ZYG11B: variants seen among roughly 807,000 people sequenced by gnomAD.
ZYG11B encodes protein zyg-11 homolog B.
In ZYG11B, 36 loss-of-function variants were observed where a neutral mutation model predicts 82.4. The ratio of observed to expected loss-of-function variants is 0.44; its 90% confidence interval spans 0.33 to 0.58. The LOEUF (loss-of-function observed/expected upper bound fraction) is 0.58, where lower values mean the gene tolerates loss of function less well. ZYG11B is among the 20% of genes least tolerant of loss of function. The pLI is 0.02. For synonymous variants in ZYG11B, 303 were observed against 312.8 expected, an observed-to-expected ratio of 0.97 and a Z score of 0.33; for missense variants, 552 against 895.6, an observed-to-expected ratio of 0.62 and a Z score of 4.90.
chr1:52,814,958 G>T (rs1645211552), intron 12 of ZYG11B, among the ~76,000 whole-genome samples: 1 of 152,082 alleles, frequency 6.6e-6, no homozygotes, highest in South Asian at 2.1e-4. Flanking sequence ...AGGAGTTCGA[G>T]ACCAGCTTGG....
chr1:52,768,141 A>G (rs149030386), intron 2 of ZYG11B, among the ~76,000 whole-genome samples: 196 of 152,218 alleles, frequency 1.3e-3, no homozygotes, highest in Middle Eastern at 0.01. Flanking sequence ...TAGAGCAGTT[A>G]CTGTCTACTA....
chr1:52,776,227 A>ATAT (rs1553260249), intron 3 of ZYG11B, among the ~76,000 whole-genome samples: 2 of 2,914 alleles, frequency 6.9e-4, no homozygotes, highest in Admixed American at 8.2e-3. Context: ...CTTAAAAAAA[A>ATAT]AAATATATAT....
At chr1:52,767,916 C>A (rs558545989) in intron 2 of ZYG11B, among the ~76,000 whole-genome samples, 1 of 152,238 alleles carries the variant, frequency 6.6e-6, no homozygotes, top group South Asian at 2.1e-4. Context: ...AGTTCAGGCT[C>A]CCCAGAAGGT....
intron 10 of ZYG11B, among the ~76,000 whole-genome samples, 199 bp downstream of exon 10, chr1:52,802,338 CTCTTTTTTTTTTT>C (rs1645082272): frequency 2.3e-5 from 3 of 131,854 alleles, no homozygotes; most frequent in African/African-American, 9.2e-5. Context: ...CTTTCTTTCT[CTCTTTTTTTTTTT>C]TTTTTTTTTT....
intron 1 of ZYG11B, among the ~76,000 whole-genome samples, chr1:52,745,591 GTC>G (rs1170342339): frequency 2.6e-5 from 4 of 152,138 alleles, no homozygotes; most frequent in Non-Finnish European, 5.9e-5. Context: ...TTGTTATGGA[GTC>G]TCACTCTGTT....
chr1:52,776,310 C>T (rs1644809645), intron 3 of ZYG11B, among the ~76,000 whole-genome samples: 1 of 143,272 alleles, frequency 7.0e-6, no homozygotes, highest in Admixed American at 7.2e-5. Flanking sequence ...ACATGCGGAT[C>T]ACTTGAGGCC....
chr1:52,740,397 T>A (rs1372769940), intron 1 of ZYG11B, among the ~76,000 whole-genome samples: 1 of 152,108 alleles, frequency 6.6e-6, no homozygotes, highest in Admixed American at 6.6e-5. Context: ...GCAAGAAGCT[T>A]GCTTTACTTG....
intron 1 of ZYG11B, among the ~76,000 whole-genome samples, chr1:52,745,470 AT>A (rs1644467967): frequency 3.3e-5 from 5 of 152,192 alleles, no homozygotes; most frequent in Admixed American, 3.3e-4. Context: ...TAGTTCATTT[AT>A]TCATACTTAC....
intron 8 of ZYG11B, among the ~76,000 whole-genome samples, chr1:52,797,121 ATATAT>A (rs1645022692): frequency 1.4e-5 from 1 of 69,028 alleles, no homozygotes; most frequent in African/African-American, 1.0e-4. Context: ...TTTATATATT[ATATAT>A]TATATATTTA....
intron 8 of ZYG11B, 79 bp downstream of exon 8, chr1:52,796,863 CAT>C (rs1468072424): frequency 1.0e-4 from 24 of 240,232 alleles, no homozygotes; most frequent in Non-Finnish European, 1.6e-4. Flanking sequence ...TATTTTCTGA[CAT>C]TTTTTATATA....
At position 52,824,661 on chromosome 1, in the gene ZYG11B, T is replaced by C. The variant is rs1412289767; in HGVS notation, c.*3032T>C. The C allele has an allele frequency of 6.6e-6, 1 of 151,706 alleles. No homozygotes were observed. Among genetic ancestry groups the C allele is most frequent in the Non-Finnish European group, 1.5e-5 (1 of 67,970 alleles). 9.4% of individuals were successfully genotyped at this position (151,706 alleles called of 1,614,324 possible). On this transcript the variant is annotated 3_prime_UTR_variant, in exon 14 of 14. Transcript: ENST00000294353. ...CTCAAAAAAAAAAAAAGCATAATAA[T>C]TTATTACATCCCAAATATATAAAAA...
intron 1 of ZYG11B, among the ~76,000 whole-genome samples, chr1:52,746,058 T>G (rs911800589): frequency 1.3e-5 from 2 of 151,902 alleles, no homozygotes; most frequent in Admixed American, 1.3e-4. Context: ...CCTCCTGGGT[T>G]CAAGCAATTC....
At chr1:52,763,117 A>G (rs1644648680) in intron 2 of ZYG11B, among the ~76,000 whole-genome samples, 1 of 152,004 alleles carries the variant, frequency 6.6e-6, no homozygotes, top group Non-Finnish European at 1.5e-5. Flanking sequence ...TACGTGAATT[A>G]ATTTCTAGGG....
chr1:52,785,848 G>A (rs951496201), intron 5 of ZYG11B, among the ~76,000 whole-genome samples: 6 of 152,104 alleles, frequency 3.9e-5, no homozygotes, highest in Non-Finnish European at 5.9e-5. Flanking sequence ...AAGCCACATT[G>A]GTGAGTAGAT....
At chr1:52,814,611 G>A (rs1645208599) in intron 12 of ZYG11B, among the ~76,000 whole-genome samples, 1 of 152,088 alleles carries the variant, frequency 6.6e-6, no homozygotes, top group Non-Finnish European at 1.5e-5. Flanking sequence ...GTCCTGGGAG[G>A]ATCACTTGAG....
At chr1:52,783,882 A>ATGTACATACACGTGTGTATG (rs74208826) in intron 4 of ZYG11B, among the ~76,000 whole-genome samples, 17 of 126,010 alleles carry the variant, frequency 1.3e-4, no homozygotes, top group Non-Finnish European at 2.5e-4. Context: ...ACGTGTGTGT[A>ATGTACATACACGTGTGTATG]TATGTACATA....
intron 1 of ZYG11B, among the ~76,000 whole-genome samples, chr1:52,748,045 T>C (rs1047826093): frequency 9.9e-5 from 15 of 152,246 alleles, no homozygotes; most frequent in Non-Finnish European, 2.9e-5. Context: ...TCTACAATTA[T>C]AATTATGATA....
chr1:52,790,565 C>A (rs1388836237), intron 6 of ZYG11B, among the ~76,000 whole-genome samples: 2 of 151,802 alleles, frequency 1.3e-5, no homozygotes, highest in Admixed American at 1.3e-4. Flanking sequence ...ACTAAAGATA[C>A]AAAAAATTAG....
At position 52,803,105 on chromosome 1, in the gene ZYG11B, T is replaced by C. The variant is rs1366352709; in HGVS notation, c.1695+966T>C. 2.7e-4 allele frequency among the ~76,000 whole-genome samples: 24 copies of C among 90,058 alleles called. 2 individuals carry two copies. The highest frequency in any genetic ancestry group is 1.8e-3 in the African/African-American group (22 of 11,924). 59.1% of individuals were successfully genotyped at this position (90,058 alleles called of 152,430 possible). A position where few individuals can be genotyped will look rare whatever the true frequency, so the allele number is the denominator to read the frequency against. ...ATATACACATATATATATACATATA[T>C]ATATATATATATACACACATATATA... On this transcript the variant is annotated intron_variant, in intron 10 of 13. Transcript: ENST00000294353.
Sources: allele counts gnomAD v4.1 joint callset (sites outside exome capture counted in the v4.1 genomes callset), GRCh38; gene constraint gnomAD v4.1.1; transcripts MANE v1.5; gene names NCBI Gene and HGNC (gene_info 2026-07-23, HGNC 2026-07-21).